MLIP: variants seen among roughly 807,000 people sequenced by gnomAD.
The protein encoded by MLIP is muscular LMNA interacting protein, also known as muscular LMNA-interacting protein.
Under a neutral mutation model 84.8 loss-of-function variants are expected in MLIP, and 79 were observed. That is an observed-to-expected ratio of 0.93 (90% CI 0.78 to 1.12). MLIP has a LOEUF of 1.12. MLIP is among the 50% of genes most tolerant of loss of function. The pLI is 0.00. For missense variants in MLIP, 1,257 were observed against 1,160.6 expected (o/e 1.08, Z -1.21); for synonymous variants, 504 against 463.0 (o/e 1.09, Z -1.14).
At chr6:54,104,227 A>G (rs1368906349) in intron 1 of MLIP, among the ~76,000 whole-genome samples, 6 of 152,162 alleles carry the variant, frequency 3.9e-5, no homozygotes, top group Non-Finnish European at 8.8e-5. Flanking sequence ...TTATGCCAAA[A>G]TCATATTATA....
intron 11 of MLIP, chr6:54,216,889 A>C (rs1779890470): frequency 1.0e-6 from 1 of 985,188 alleles, no homozygotes. Flanking sequence ...GCTGTCTGTA[A>C]AGTGTTGGTG....
intron 1 of MLIP, among the ~76,000 whole-genome samples, chr6:54,038,270 A>G (rs1252627112): frequency 1.3e-5 from 2 of 151,930 alleles, no homozygotes; most frequent in Admixed American, 6.6e-5. Flanking sequence ...AACTTCTTGA[A>G]AAGAGATTTT....
At chr6:54,118,803 A>G (rs1318009577) in intron 1 of MLIP, among the ~76,000 whole-genome samples, 2 of 152,204 alleles carry the variant, frequency 1.3e-5, no homozygotes, top group Non-Finnish European at 2.9e-5. Flanking sequence ...TATTAAAAAA[A>G]CCTCAAACAA....
intron 1 of MLIP, among the ~76,000 whole-genome samples, chr6:54,092,352 A>G (rs2150373817): frequency 6.6e-6 from 1 of 152,286 alleles, no homozygotes; most frequent in Middle Eastern, 3.4e-3. Context: ...CTCAAATGAA[A>G]ACAAGAACTA....
At chr6:54,214,596 G>A (rs1376366555) in intron 11 of MLIP, among the ~76,000 whole-genome samples, 1 of 152,158 alleles carries the variant, frequency 6.6e-6, no homozygotes, top group Non-Finnish European at 1.5e-5. Flanking sequence ...GAGGTTTGAT[G>A]TCCTAGCTCC....
At chr6:54,254,735 T>TCCTCCCTCC (rs141722373) in intron 12 of MLIP, among the ~76,000 whole-genome samples, 110 of 129,996 alleles carry the variant, frequency 8.5e-4, no homozygotes, top group Admixed American at 3.7e-3. Context: ...TCTTTTTTTT[T>TCCTCCCTCC]CTCCCTCCCT....
intron 10 of MLIP, among the ~76,000 whole-genome samples, chr6:54,198,414 A>ATATT (rs1562047424): frequency 6.6e-6 from 1 of 152,176 alleles, no homozygotes; most frequent in African/African-American, 2.4e-5. Context: ...AAGTTAACTA[A>ATATT]TATTCCAAGA....
At chr6:54,217,332 A>C in intron 11 of MLIP, 1 of 985,384 alleles carries the variant, frequency 1.0e-6, no homozygotes, top group Non-Finnish European at 1.2e-6. Flanking sequence ...AGAAGAGCTC[A>C]AAATGCCGTA....
chr6:54,077,376 T>TAA (rs952282151), intron 1 of MLIP, among the ~76,000 whole-genome samples: 1 of 147,058 alleles, frequency 6.8e-6, no homozygotes, highest in Non-Finnish European at 1.5e-5. Context: ...AAAACTTCAT[T>TAA]AAAAAAAAAA....
intron 1 of MLIP, among the ~76,000 whole-genome samples, chr6:54,058,446 T>A (rs774319906): frequency 6.6e-6 from 1 of 152,206 alleles, no homozygotes; most frequent in Non-Finnish European, 1.5e-5. Context: ...CAGGGTTGCA[T>A]CTGTCTGGAG....
intron 9 of MLIP, among the ~76,000 whole-genome samples, chr6:54,177,963 A>G (rs146330171): frequency 3.2e-4 from 48 of 152,290 alleles, no homozygotes; most frequent in Middle Eastern, 3.4e-3. Context: ...CAAACACCAC[A>G]TATTCTCACA....
At chr6:54,229,173 T>C (rs1780805502) in intron 11 of MLIP, among the ~76,000 whole-genome samples, 1 of 152,184 alleles carries the variant, frequency 6.6e-6, no homozygotes, top group South Asian at 2.1e-4. Context: ...GACCCAAAAC[T>C]TCTAAGAGAA....
chr6:54,078,255 A>G, intron 1 of MLIP, among the ~76,000 whole-genome samples: 1 of 152,250 alleles, frequency 6.6e-6, no homozygotes, highest in East Asian at 1.9e-4. Flanking sequence ...TAACTTAAGC[A>G]GTTCTCTAGC....
intron 10 of MLIP, among the ~76,000 whole-genome samples, chr6:54,196,546 T>C (rs1020290440): frequency 2.6e-5 from 4 of 152,150 alleles, no homozygotes; most frequent in African/African-American, 9.6e-5. Context: ...TAGTATTCCA[T>C]GGTGTATATG....
chr6:54,264,740 G>A (rs1321431581), intron 13 of MLIP, among the ~76,000 whole-genome samples: 1 of 152,042 alleles, frequency 6.6e-6, no homozygotes, highest in Non-Finnish European at 1.5e-5. Context: ...ATGTACTTGA[G>A]TCATTTCCTC....
chr6:54,083,396 G>A, intron 1 of MLIP: 1 of 1,368,848 alleles, frequency 7.3e-7, no homozygotes, highest in Non-Finnish European at 9.8e-7. Flanking sequence ...CCAGTCCAGA[G>A]TTGTTGGGGA....
chr6:54,099,000 C>T (rs184631379), intron 1 of MLIP, among the ~76,000 whole-genome samples: 447 of 152,196 alleles, frequency 2.9e-3, no homozygotes, highest in Non-Finnish European at 4.1e-3. Context: ...TCTAGAATAT[C>T]CAAAGATTTC....
At chr6:54,176,896 C>T (rs992657942) in intron 9 of MLIP, among the ~76,000 whole-genome samples, 2 of 151,714 alleles carry the variant, frequency 1.3e-5, no homozygotes, top group African/African-American at 4.8e-5. Flanking sequence ...GAAATAAGAC[C>T]ACACATCTAC....
At chr6:54,042,895 A>C (rs951068593) in intron 1 of MLIP, among the ~76,000 whole-genome samples, 2 of 152,184 alleles carry the variant, frequency 1.3e-5, no homozygotes, top group African/African-American at 4.8e-5. Flanking sequence ...GTCACTTAGT[A>C]ATGAAATTTT....
Sources: gnomAD v4.1 joint callset for allele counts (sites outside exome capture counted in the v4.1 genomes callset) on GRCh38, gnomAD v4.1.1 for gene constraint, MANE v1.5 for transcripts, NCBI Gene and HGNC (gene_info 2026-07-23, HGNC 2026-07-21) for gene names.